The following ANK2 variants were observed in gnomAD, a reference collection of about 807,000 sequenced individuals.
The protein encoded by ANK2 is ankyrin 2.
ANK2 carries 83 observed loss-of-function variants against 360.5 expected under a neutral mutation model. That is an observed-to-expected ratio of 0.23 (90% CI 0.19 to 0.28). ANK2 has a LOEUF of 0.28. Among genes scored for constraint, ANK2 ranks in the 10% least tolerant of loss-of-function variants. ANK2 has a pLI of 1.00. For missense variants in ANK2, 4,201 were observed against 4,795.7 expected, an observed-to-expected ratio of 0.88 and a Z score of 3.66; for synonymous variants, 1,740 against 1,759.5, an observed-to-expected ratio of 0.99 and a Z score of 0.28.
chr4:113,048,276 ATTTTTTTTTTTTTT>A (rs1165941601), upstream of ANK2, among the ~76,000 whole-genome samples: 42 of 39,670 alleles, frequency 1.1e-3, 1 homozygote, highest in African/African-American at 4.2e-3. Context: ...ATATATATAT[ATTTTTTTTTTTTTT>A]TTTTTTTTTT....
chr4:113,094,464 C>A (rs1433052006), intron 1 of ANK2, among the ~76,000 whole-genome samples: 3 of 152,010 alleles, frequency 2.0e-5, no homozygotes, highest in Non-Finnish European at 2.9e-5. Flanking sequence ...AACAATACAT[C>A]CAGCACTAAG....
chr4:113,336,828 C>T (rs1046322020), intron 31 of ANK2, 47 bp downstream of exon 31: 17 of 1,561,154 alleles, frequency 1.1e-5, no homozygotes, highest in Non-Finnish European at 1.4e-5. Context: ...AAAAAAGAAA[C>T]TTAGATCGTT....
the ANK2 span, among the ~76,000 whole-genome samples, chr4:112,775,862 C>T: frequency 1.3e-5 from 2 of 152,168 alleles, no homozygotes; most frequent in African/African-American, 2.4e-5. Context: ...TGCATGAAGG[C>T]TGTGGTTTTC....
Position 113,180,764 on chromosome 4 carries a change from G to A in ANK2, c.186+6247G>A, listed in dbSNP as rs538969897. Among the ~76,000 whole-genome samples, 11 of 152,280 alleles carry A rather than the reference G, an allele frequency of 7.2e-5. No homozygotes were observed. In the South Asian group the frequency reaches 1.5e-3, roughly 20 times the overall value. ...AAATTCATGGAATTAATGGAACATG[G>A]AATGAGCTATATGCAGTTTTCTAAC... On this transcript the variant is annotated intron_variant, in intron 2 of 45. Transcript: ENST00000357077.
chr4:113,333,039 G>A lies in ANK2; in HGVS notation c.3225-15G>A, dbSNP rs983148349. 9.9e-6 allele frequency: 16 copies of A among 1,614,020 alleles called. No individual in the cohort carries two copies. Among genetic ancestry groups the A allele is most frequent in the Non-Finnish European group, 1.4e-5 (16 of 1,180,016 alleles). Reference sequence around the variant, plus strand: ...AGCTCCTGTCCACACTGAATGTTCTGCATTGCTATGTCAGGCCTGTGATCG... The same window carrying A: ...AGCTCCTGTCCACACTGAATGTTCTACATTGCTATGTCAGGCCTGTGATCG... On this transcript the variant is annotated splice_polypyrimidine_tract_variant and intron_variant, in intron 28 of 45. Transcript: ENST00000357077.
At chr4:113,156,824 G>A (rs116020720) in intron 1 of ANK2, among the ~76,000 whole-genome samples, 7,753 of 150,128 alleles carry the variant, frequency 0.052, 245 homozygotes, top group African/African-American at 0.059. Context: ...ATGTGTGTGC[G>A]TGCACACTTT....
At chr4:112,982,997 C>T (rs2043594805) in intron 2 of ANK2, among the ~76,000 whole-genome samples, 1 of 152,148 alleles carries the variant, frequency 6.6e-6, no homozygotes, top group Non-Finnish European at 1.5e-5. Flanking sequence ...CCATGGCAAC[C>T]AGTGCATCTG....
chr4:113,357,779 C>G lies in ANK2; in HGVS notation c.9161C>G (p.Ala3054Gly), dbSNP rs139007578. The G allele has an allele frequency of 1.4e-5, 22 of 1,613,858 alleles. No homozygotes were observed. The highest frequency in any genetic ancestry group is 3.3e-5 in the Admixed American group (2 of 59,988). Reference protein sequence around the residue: ...SWSEIREDDEAFEARVKEEEQ... With the variant: ...SWSEIREDDEGFEARVKEEEQ... ...AGTGAAATTCGGGAAGACGATGAAG[C>G]CTTTGAGGCTCGTGTGAAAGAGGAA... The change falls in exon 38 of 46, where the codon GCC (alanine) becomes GGC (glycine). Residue 3054 changes from alanine to glycine, a missense_variant. By Grantham distance (60) the Ala-to-Gly change is moderately conservative. Coordinates refer to ENST00000357077, the MANE Select transcript of ANK2 (RefSeq NM_001148.6).
chr4:113,364,171 G>C (rs2096402194), intron 40 of ANK2, among the ~76,000 whole-genome samples: 1 of 152,054 alleles, frequency 6.6e-6, no homozygotes, highest in South Asian at 2.1e-4. Context: ...TCACGCATTG[G>C]TTCCTCAAAA....
At chr4:113,231,958 A>G (rs1483126709) in intron 4 of ANK2, among the ~76,000 whole-genome samples, 1 of 152,230 alleles carries the variant, frequency 6.6e-6, no homozygotes, top group Non-Finnish European at 1.5e-5. Context: ...TGGTACTGAA[A>G]TGAAGACTTT....
the ANK2 span, among the ~76,000 whole-genome samples, chr4:112,802,793 G>A: frequency 1.3e-5 from 2 of 152,070 alleles, no homozygotes; most frequent in Non-Finnish European, 2.9e-5. Flanking sequence ...AAAACGATAC[G>A]CCTCAAACTA....
intron 10 of ANK2, 26 bp downstream of exon 10, chr4:113,249,888 T>C (rs1238630354): frequency 6.3e-7 from 1 of 1,590,486 alleles, no homozygotes; most frequent in Non-Finnish European, 8.6e-7. Flanking sequence ...TAAGATGGGG[T>C]CCTAAGAAAT....
At chr4:112,920,175 C>G (rs1050294528) in intron 2 of ANK2, among the ~76,000 whole-genome samples, 1 of 152,098 alleles carries the variant, frequency 6.6e-6, no homozygotes, top group African/African-American at 2.4e-5. Context: ...TATGTTGCCT[C>G]TGATTTATAT....
intron 22 of ANK2, among the ~76,000 whole-genome samples, chr4:113,299,417 A>G (rs1199825106): frequency 6.6e-6 from 1 of 152,226 alleles, no homozygotes; most frequent in African/African-American, 2.4e-5. Flanking sequence ...CAAAAAGTTG[A>G]ATAAAGGTCA....
chr4:113,148,455 T>C (rs1239426068), intron 1 of ANK2, among the ~76,000 whole-genome samples: 2 of 152,192 alleles, frequency 1.3e-5, no homozygotes, highest in Non-Finnish European at 2.9e-5. Flanking sequence ...GAGATTTTTA[T>C]TTTATTGCTT....
chr4:113,330,579 G>T, intron 27 of ANK2, 109 bp downstream of exon 27: 2 of 1,106,666 alleles, frequency 1.8e-6, no homozygotes, highest in Non-Finnish European at 1.3e-6. Flanking sequence ...TTTGAAAGAG[G>T]ATCAGCACCA....
chr4:112,885,709 A>C (rs1009324821), intron 1 of ANK2, among the ~76,000 whole-genome samples: 4 of 140,366 alleles, frequency 2.8e-5, no homozygotes, highest in African/African-American at 1.1e-4. Flanking sequence ...TGGGAGGAGA[A>C]TGGCGTGAAC....
chr4:113,259,982 G>A (rs953998039), intron 13 of ANK2, among the ~76,000 whole-genome samples: 1 of 151,910 alleles, frequency 6.6e-6, no homozygotes, highest in Non-Finnish European at 1.5e-5. Flanking sequence ...ATTCTTATTT[G>A]CATTCCAATG....
rs1464522759 is a variant in ANK2 at position 113,139,515 on chromosome 4, G to A, written c.85-34901G>A. ...CTGCTTTAGTAGTTCATCAGTTTGG[G>A]GGGATTCTGTACACACATATTTGTC... On this transcript the variant is annotated intron_variant, in intron 1 of 45. Coordinates refer to ENST00000357077, the MANE Select transcript of ANK2 (RefSeq NM_001148.6). 2.6e-5 allele frequency among the ~76,000 whole-genome samples: 4 copies of A among 152,134 alleles called. No homozygotes were observed. In the East Asian group the frequency reaches 7.7e-4, roughly 29 times the overall value.
Sources: gnomAD v4.1 joint callset for allele counts (sites outside exome capture counted in the v4.1 genomes callset) on GRCh38, gnomAD v4.1.1 for gene constraint, MANE v1.5 for transcripts, NCBI Gene and HGNC (gene_info 2026-07-23, HGNC 2026-07-21) for gene names.